Variants in FAM3C observed in about 807,000 individuals in gnomAD.
FAM3C encodes the protein FAM3 metabolism regulating signaling molecule C, also known as protein FAM3C.
In FAM3C, 15 loss-of-function variants were observed where a neutral mutation model predicts 32.5. That is an observed-to-expected ratio of 0.46 (90% CI 0.31 to 0.71). The LOEUF is 0.71. FAM3C is among the 30% of genes least tolerant of loss of function. FAM3C has a pLI of 0.05. For synonymous variants in FAM3C, 75 were observed against 86.1 expected (o/e 0.87, Z 0.72); for missense variants, 175 against 274.4 (o/e 0.64, Z 2.56).
chr7:121,388,412 C>T (rs1414533877), intron 1 of FAM3C, among the ~76,000 whole-genome samples: 2 of 151,862 alleles, frequency 1.3e-5, no homozygotes, highest in African/African-American at 4.8e-5. Flanking sequence ...AAAAAAGGAA[C>T]AAAAACAAAA....
chr7:121,362,805 A>G, intron 7 of FAM3C, 92 bp downstream of exon 7: 1 of 726,268 alleles, frequency 1.4e-6, no homozygotes, highest in Non-Finnish European at 2.4e-6. Context: ...TAACGCAAAT[A>G]GCATCATCAT....
At chr7:121,373,995 CAA>C (rs34141050) in intron 3 of FAM3C, among the ~76,000 whole-genome samples, 32 of 107,056 alleles carry the variant, frequency 3.0e-4, no homozygotes, top group African/African-American at 7.9e-4. Context: ...GACTCCGTCT[CAA>C]AAAAAAAAAA....
intron 8 of FAM3C, among the ~76,000 whole-genome samples, chr7:121,357,428 A>C (rs1027628863): frequency 2.0e-5 from 3 of 152,210 alleles, no homozygotes; most frequent in East Asian, 3.8e-4. Context: ...TTCTATTCAT[A>C]TATAAGAGAG....
chr7:121,355,155 T>C (rs1247541853), intron 8 of FAM3C, among the ~76,000 whole-genome samples: 4 of 152,186 alleles, frequency 2.6e-5, no homozygotes, highest in Admixed American at 2.0e-4. Flanking sequence ...GACTATCTTT[T>C]ACAGGGAGGC....
chr7:121,360,575 G>C (rs1389383538), intron 7 of FAM3C, among the ~76,000 whole-genome samples: 2 of 152,178 alleles, frequency 1.3e-5, no homozygotes, highest in Non-Finnish European at 2.9e-5. Flanking sequence ...ACTCACATCT[G>C]TAATCCCAGC....
At chr7:121,382,540 A>AGACATTATATAT (rs1794378475) in intron 2 of FAM3C, among the ~76,000 whole-genome samples, 2 of 141,950 alleles carry the variant, frequency 1.4e-5, no homozygotes, top group African/African-American at 2.8e-5. Flanking sequence ...CATTATATAC[A>AGACATTATATAT]GTCTTTAGGT....
At chr7:121,354,788 G>T (rs1307611701) in intron 8 of FAM3C, among the ~76,000 whole-genome samples, 2 of 152,190 alleles carry the variant, frequency 1.3e-5, no homozygotes, top group East Asian at 3.9e-4. Flanking sequence ...GTTCGGATTA[G>T]AAATTTTTAT....
chr7:121,349,694 T>A lies in FAM3C; in HGVS notation c.*767A>T, dbSNP rs965041359. ...ACTTAGCTGTCCTGAATGACCTAATTAGGTTGGGGAGGGGACTTGGCCTGG... is the reference window on the plus strand; with the variant it reads ...ACTTAGCTGTCCTGAATGACCTAATAAGGTTGGGGAGGGGACTTGGCCTGG... On this transcript the variant is annotated 3_prime_UTR_variant, in exon 10 of 10. Coordinates refer to ENST00000359943, the MANE Select transcript of FAM3C (RefSeq NM_014888.3). The A allele has an allele frequency of 7.2e-5, 11 of 152,010 alleles. No homozygotes were observed. The highest frequency in any genetic ancestry group is 9.6e-5 in the African/African-American group (4 of 41,470). 9.4% of individuals were successfully genotyped at this position (152,010 alleles called of 1,614,324 possible). A position where few individuals can be genotyped will look rare whatever the true frequency, so the allele number is the denominator to read the frequency against.
At chr7:121,352,818 G>A (rs1157357633) in intron 8 of FAM3C, among the ~76,000 whole-genome samples, 1 of 152,214 alleles carries the variant, frequency 6.6e-6, no homozygotes, top group Non-Finnish European at 1.5e-5. Flanking sequence ...TTATTGGGAT[G>A]CCATGGATCT....
chr7:121,370,059 ATC>A (rs1381309625), intron 5 of FAM3C, among the ~76,000 whole-genome samples: 1 of 152,240 alleles, frequency 6.6e-6, no homozygotes, highest in African/African-American at 2.4e-5. Context: ...GTGATTTAGA[ATC>A]AAATTTGGGG....
chr7:121,390,686 C>A (rs1474037913), intron 1 of FAM3C, among the ~76,000 whole-genome samples: 1 of 151,788 alleles, frequency 6.6e-6, no homozygotes, highest in Non-Finnish European at 1.5e-5. Context: ...TTTTAAAATG[C>A]AAACTCCTGA....
At chr7:121,380,002 T>C (rs192489953) in intron 2 of FAM3C, among the ~76,000 whole-genome samples, 105 of 152,348 alleles carry the variant, frequency 6.9e-4, no homozygotes, top group Non-Finnish European at 9.7e-4. Flanking sequence ...AACTTACAAG[T>C]TGCCTACATT....
intron 2 of FAM3C, among the ~76,000 whole-genome samples, chr7:121,380,678 AC>A: frequency 6.6e-6 from 1 of 150,480 alleles, no homozygotes; most frequent in East Asian, 1.9e-4. Context: ...TAGATAACGA[AC>A]CTGTACATGT....
intron 1 of FAM3C, among the ~76,000 whole-genome samples, chr7:121,390,179 C>A (rs1794546853): frequency 6.6e-6 from 1 of 152,216 alleles, no homozygotes. Flanking sequence ...GGTTGCCAGG[C>A]ACTTAATACC....
At chr7:121,362,628 G>T (rs1332197572) in intron 7 of FAM3C, 3 of 383,080 alleles carry the variant, frequency 7.8e-6, no homozygotes, top group Non-Finnish European at 1.4e-5. Flanking sequence ...TTGTCCTGTA[G>T]AAAACAAGAT....
At chr7:121,387,363 C>CT (rs34802782) in intron 1 of FAM3C, among the ~76,000 whole-genome samples, 4 of 152,068 alleles carry the variant, frequency 2.6e-5, no homozygotes, top group African/African-American at 7.2e-5. Context: ...AACAGTCCAA[C>CT]TTTTTTTGCT....
intron 1 of FAM3C, among the ~76,000 whole-genome samples, chr7:121,388,099 T>A (rs1303567398): frequency 6.6e-6 from 1 of 152,136 alleles, no homozygotes; most frequent in African/African-American, 2.4e-5. Context: ...AGAAATATTG[T>A]AAATTTAACA....
intron 1 of FAM3C, among the ~76,000 whole-genome samples, chr7:121,387,528 T>C (rs2116962628): frequency 6.6e-6 from 1 of 152,198 alleles, no homozygotes; most frequent in Admixed American, 6.5e-5. Context: ...GAAAGAAGCA[T>C]AATTCCATGA....
intron 1 of FAM3C, among the ~76,000 whole-genome samples, chr7:121,391,644 A>G (rs1462106509): frequency 1.3e-5 from 2 of 152,202 alleles, no homozygotes; most frequent in African/African-American, 4.8e-5. Context: ...TAAGTGCACC[A>G]GGGTAGACAT....
Sources: allele counts gnomAD v4.1 joint callset (sites outside exome capture counted in the v4.1 genomes callset), GRCh38; gene constraint gnomAD v4.1.1; transcripts MANE v1.5; gene names NCBI Gene and HGNC (gene_info 2026-07-23, HGNC 2026-07-21).